GLRX3: variants seen among roughly 807,000 people sequenced by gnomAD.
GLRX3 encodes glutaredoxin-3.
GLRX3 carries 22 observed loss-of-function variants against 49.5 expected under a neutral mutation model. The ratio of observed to expected loss-of-function variants is 0.44; its 90% CI spans 0.32 to 0.63. The LOEUF is 0.63. Ranked by LOEUF, GLRX3 falls within the 30% of genes least tolerant of loss-of-function variation. GLRX3 has a pLI of 0.05. For synonymous variants in GLRX3, 133 were observed against 140.0 expected (o/e 0.95, Z 0.35); for missense variants, 385 against 396.3 (o/e 0.97, Z 0.24).
At chr10:130,178,448 T>C (rs568102523) in intron 10 of GLRX3, among the ~76,000 whole-genome samples, 1 of 151,488 alleles carries the variant, frequency 6.6e-6, no homozygotes, top group Non-Finnish European at 1.5e-5. Flanking sequence ...TAGAGATGGG[T>C]TTTGTCATGT....
chr10:130,178,855 C>A (rs1014848184), intron 10 of GLRX3, among the ~76,000 whole-genome samples: 1 of 152,174 alleles, frequency 6.6e-6, no homozygotes, highest in Non-Finnish European at 1.5e-5. Flanking sequence ...AGGTGCCCGC[C>A]ACCATGCCCA....
rs370761259 is a variant in GLRX3 at position 130,160,914 on chromosome 10, A to T, written c.395A>T (p.Asp132Val). 4.8e-5 allele frequency: 77 copies of T among 1,613,578 alleles called. No homozygotes were observed. Among genetic ancestry groups the T allele is most frequent in the Non-Finnish European group, 5.8e-5 (69 of 1,179,588 alleles). The change falls in exon 4 of 11, where the codon GAT becomes GTT. Residue 132 changes from aspartate to valine, a missense_variant. Physicochemically the swap from Asp to Val is radical, Grantham distance 152 (BLOSUM62 -3). Around this residue, in one of 2 missense-constraint regions of GLRX3, gnomAD observed 374 missense variants for 358.6 expected, o/e 1.04. Coordinates refer to ENST00000331244, the MANE Select transcript of GLRX3 (RefSeq NM_006541.5). ...AGCGCTAATGAACATCTTAAAGAAG[A>T]TCTCAACCTTCGCTTGAAGAAATTG... ...LPSANEHLKEDLNLRLKKLTH... is the reference protein window; with the variant it reads ...LPSANEHLKEVLNLRLKKLTH...
chr10:130,142,406 T>C (rs72848309), intron 1 of GLRX3, among the ~76,000 whole-genome samples: 14,331 of 152,146 alleles, frequency 0.094, 837 homozygotes, highest in Non-Finnish European at 0.12. Context: ...GAGACTGCCT[T>C]CTTCTTCTTC....
At chr10:130,173,511 A>G (rs1234382852) in intron 8 of GLRX3, among the ~76,000 whole-genome samples, 1 of 152,198 alleles carries the variant, frequency 6.6e-6, no homozygotes, top group Non-Finnish European at 1.5e-5. Context: ...TAGTAGCCAA[A>G]ATACACATGC....
intron 6 of GLRX3, among the ~76,000 whole-genome samples, chr10:130,167,220 T>C (rs1478627254): frequency 6.6e-6 from 1 of 152,218 alleles, no homozygotes; most frequent in Non-Finnish European, 1.5e-5. Flanking sequence ...GAAATGTCAT[T>C]GTTTCTGTGG....
intron 1 of GLRX3, 129 bp downstream of exon 1, chr10:130,136,641 C>G (rs1280978636): frequency 8.9e-7 from 1 of 1,124,510 alleles, no homozygotes; most frequent in Non-Finnish European, 1.1e-6. Flanking sequence ...CTCGGGGGAC[C>G]GGGCCCGGCG....
intron 8 of GLRX3, among the ~76,000 whole-genome samples, chr10:130,173,133 A>G (rs988944989): frequency 1.3e-5 from 2 of 152,136 alleles, no homozygotes; most frequent in Non-Finnish European, 2.9e-5. Context: ...CTGCGGGTCC[A>G]CAGTGAGACA....
chr10:130,166,429 C>A, intron 4 of GLRX3, 78 bp from the exon 5 acceptor site: 1 of 1,007,268 alleles, frequency 9.9e-7, no homozygotes, highest in Non-Finnish European at 1.5e-6. Flanking sequence ...ATGATATGTA[C>A]GCTGAACTAA....
chr10:130,143,751 G>A (rs4750791), intron 1 of GLRX3, among the ~76,000 whole-genome samples: 32,641 of 150,738 alleles, frequency 0.22, 3,836 homozygotes, highest in South Asian at 0.3. Context: ...AGGCTGCAGT[G>A]CAGTGGTGTG....
intron 2 of GLRX3, among the ~76,000 whole-genome samples, chr10:130,153,707 C>T (rs903539042): frequency 6.6e-6 from 1 of 152,072 alleles, no homozygotes; most frequent in Non-Finnish European, 1.5e-5. Context: ...CATGAGGTGT[C>T]TGTCGGCCCC....
intron 2 of GLRX3, among the ~76,000 whole-genome samples, chr10:130,151,851 T>G (rs527895480): frequency 2.0e-4 from 30 of 152,330 alleles, no homozygotes; most frequent in African/African-American, 7.2e-4. Flanking sequence ...TTGGTAGATC[T>G]TCCTCCATCC....
At position 130,141,061 on chromosome 10, in the gene GLRX3, G is replaced by A. The variant is rs533510403; in HGVS notation, c.93-4150G>A. On this transcript the variant is annotated intron_variant, in intron 1 of 10. Coordinates refer to ENST00000331244, the MANE Select transcript of GLRX3 (RefSeq NM_006541.5). Reference sequence around the variant, plus strand: ...TTTAAACAGTCCTTTTGTTGGCTGGGCACGGTGGCTCATGACTGTAATCCC... The same window carrying A: ...TTTAAACAGTCCTTTTGTTGGCTGGACACGGTGGCTCATGACTGTAATCCC... 3.9e-5 allele frequency among the ~76,000 whole-genome samples: 6 copies of A among 152,228 alleles called. No individual in the cohort carries two copies. In the South Asian group the frequency reaches 1.0e-3, roughly 26 times the overall value.
At position 130,160,924 on chromosome 10, in the gene GLRX3, T is replaced by A. The variant is rs369197642; in HGVS notation, c.405T>A (p.Leu135=). ...AACATCTTAAAGAAGATCTCAACCTTCGCTTGAAGAAATTGACTCATGCTG... is the reference window on the plus strand; with the variant it reads ...AACATCTTAAAGAAGATCTCAACCTACGCTTGAAGAAATTGACTCATGCTG... ...ANEHLKEDLN[L]RLKKLTHAAP... The change falls in exon 4 of 11, where the codon CTT becomes CTA. Residue 135 remains leucine (L), a synonymous_variant. Transcript: ENST00000331244. 6.8e-6 allele frequency: 11 copies of A among 1,613,736 alleles called. No homozygotes were observed. In the East Asian group the frequency reaches 1.8e-4, roughly 26 times the overall value.
intron 6 of GLRX3, 125 bp from the exon 7 acceptor site, chr10:130,169,308 A>C: frequency 1.5e-6 from 1 of 677,494 alleles, no homozygotes; most frequent in South Asian, 1.6e-5. Flanking sequence ...TGCTTGTTTA[A>C]TACCACTCAA....
chr10:130,165,303 CT>C (rs1862658888), intron 4 of GLRX3, among the ~76,000 whole-genome samples: 1 of 151,718 alleles, frequency 6.6e-6, no homozygotes, highest in South Asian at 2.1e-4. Context: ...GAAGAATTAG[CT>C]TATGGAAAGA....
intron 10 of GLRX3, among the ~76,000 whole-genome samples, chr10:130,176,084 C>T (rs1862911844): frequency 6.6e-6 from 1 of 151,246 alleles, no homozygotes; most frequent in African/African-American, 2.4e-5. Context: ...GCAAGTAGTA[C>T]TACTTCTAGT....
At position 130,179,437 on chromosome 10, in the gene GLRX3, T is replaced by G. The variant is rs759290291; in HGVS notation, c.*45T>G. 2.9e-6 allele frequency: 3 copies of G among 1,028,878 alleles called. No homozygotes were observed. The South Asian group carries it at 4.2e-5, about 14-fold the overall frequency. The allele number at this position is 1,028,878 out of a possible 1,614,324, so 63.7% of individuals were successfully genotyped here. ...CCAACTATTGTAAGAAATATTTAATTACATTGGGAGCAGTTCATGATTTAG... is the reference window on the plus strand; with the variant it reads ...CCAACTATTGTAAGAAATATTTAATGACATTGGGAGCAGTTCATGATTTAG... On this transcript the variant is annotated 3_prime_UTR_variant, in exon 11 of 11. Coordinates refer to ENST00000331244, the MANE Select transcript of GLRX3 (RefSeq NM_006541.5).
intron 1 of GLRX3, among the ~76,000 whole-genome samples, chr10:130,144,181 A>G (rs1474801469): frequency 6.6e-6 from 1 of 152,008 alleles, no homozygotes; most frequent in Non-Finnish European, 1.5e-5. Flanking sequence ...TAATGATATT[A>G]TTAGTAATGT....
intron 1 of GLRX3, among the ~76,000 whole-genome samples, chr10:130,138,250 T>C (rs1349195137): frequency 6.6e-6 from 1 of 152,000 alleles, no homozygotes; most frequent in Non-Finnish European, 1.5e-5. Flanking sequence ...AGAGGCAGGG[T>C]TTCCTCATGT....
Sources: gnomAD v4.1 joint callset for allele counts (sites outside exome capture counted in the v4.1 genomes callset) on GRCh38, gnomAD v4.1.1 for gene constraint, gnomAD v4.1.1 regional missense constraint, MANE v1.5 for transcripts, NCBI Gene and HGNC (gene_info 2026-07-23, HGNC 2026-07-21) for gene names.